Variants in DYDC2 observed in about 807,000 individuals in gnomAD.
DYDC2 encodes the protein DPY30 domain-containing protein 2.
In DYDC2, 19 loss-of-function variants were observed where a neutral mutation model predicts 18.7. The observed-to-expected ratio is 1.02, with a 90% confidence interval of 0.71 to 1.49. DYDC2 has a LOEUF of 1.49. Ranked by LOEUF, DYDC2 falls within the 40% of genes most tolerant of loss-of-function variation. The probability of loss-of-function intolerance (pLI) is 0.00; values close to 1 mark genes in which losing one functional copy is unlikely to be tolerated. For synonymous variants in DYDC2, 63 were observed against 67.6 expected (o/e 0.93, Z 0.34); for missense variants, 179 against 205.1 (o/e 0.87, Z 0.78).
upstream of DYDC2, among the ~76,000 whole-genome samples, chr10:80,355,359 A>G (rs1022867394): frequency 1.3e-5 from 2 of 151,938 alleles, no homozygotes; most frequent in Admixed American, 1.3e-4. Context: ...TGCCATAACT[A>G]TGTGCATATG....
At chr10:80,352,379 G>A (rs1843046546), upstream of DYDC2, 2 of 1,408,658 alleles carry the variant, frequency 1.4e-6, no homozygotes, top group Non-Finnish European at 1.9e-6. Context: ...AAATAATAAT[G>A]TTAAACTTTT....
At chr10:80,363,149 A>G in intron 4 of DYDC2, 76 bp downstream of exon 4, 1 of 1,509,034 alleles carries the variant, frequency 6.6e-7, no homozygotes, top group Non-Finnish European at 8.9e-7. Flanking sequence ...AAGTCAGCCC[A>G]GTCCCAATCC....
intron 1 of DYDC2, among the ~76,000 whole-genome samples, chr10:80,347,276 CTTTTTTTTTT>C (rs556362145): frequency 1.1e-5 from 1 of 90,112 alleles, no homozygotes; most frequent in Non-Finnish European, 2.1e-5. Context: ...AATTGGGATC[CTTTTTTTTTT>C]TTTTTTTTTT....
At chr10:80,351,706 T>C (rs1842988423) in intron 1 of DYDC2, among the ~76,000 whole-genome samples, 1 of 152,190 alleles carries the variant, frequency 6.6e-6, no homozygotes, top group African/African-American at 2.4e-5. Flanking sequence ...TATATGTGTA[T>C]ACAAGAATGC....
At chr10:80,356,349 T>C, upstream of DYDC2, 1 of 985,816 alleles carries the variant, frequency 1.0e-6, no homozygotes, top group Non-Finnish European at 1.2e-6. Context: ...AGGAGATTCC[T>C]TACCCACACC....
upstream of DYDC2, chr10:80,352,660 A>G (rs1490353272): frequency 6.5e-7 from 1 of 1,548,724 alleles, no homozygotes; most frequent in African/African-American, 1.4e-5. Flanking sequence ...CAATAAAGTC[A>G]CTATAAAACT....
intron 2 of DYDC2, among the ~76,000 whole-genome samples, chr10:80,358,502 A>C (rs911954770): frequency 2.0e-5 from 3 of 152,184 alleles, no homozygotes; most frequent in Admixed American, 1.3e-4. Context: ...CATTTCCTTC[A>C]GATCATTGTT....
upstream of DYDC2, chr10:80,351,983 T>C (rs1238514152): frequency 1.9e-6 from 3 of 1,614,138 alleles, no homozygotes; most frequent in African/African-American, 2.7e-5. Context: ...ACGCTCCAGC[T>C]TGGCCATTTC....
intron 1 of DYDC2, among the ~76,000 whole-genome samples, chr10:80,347,305 T>TTTTTTTTTTTTTTTTTTTTTTTTTG (rs1360993618): frequency 1.9e-5 from 2 of 105,568 alleles, no homozygotes; most frequent in African/African-American, 7.6e-5. Context: ...TTTTTTTTTT[T>TTTTTTTTTTTTTTTTTTTTTTTTTG]GCTATTGAGT....
In DYDC2 at chr10:80,362,338, T is replaced by A. The variant is rs1843687585; in HGVS notation, c.-9-97T>A. The stretch of plus-strand genomic sequence containing the variant: ...AGGTGTGATCCAGAAGCATCTCATA[T>A]TTATCCTGAAATAAATCTGAATTGG... On this transcript the variant is annotated intron_variant, in intron 2 of 4. Transcript: ENST00000256039. 4 of 1,484,582 alleles carry A rather than the reference T, an allele frequency of 2.7e-6. No individual in the cohort carries two copies. The South Asian group carries it at 5.5e-5, about 20-fold the overall frequency. The allele number at this position is 1,484,582 out of a possible 1,614,324, so 92.0% of individuals were successfully genotyped here.
At chr10:80,366,339 G>C (rs577208220) in intron 4 of DYDC2, among the ~76,000 whole-genome samples, 1 of 152,044 alleles carries the variant, frequency 6.6e-6, no homozygotes, top group South Asian at 2.1e-4. Context: ...CCCATTCTGG[G>C]GCCTTTTTCT....
At chr10:80,359,235 C>G (rs1843582817) in intron 2 of DYDC2, among the ~76,000 whole-genome samples, 1 of 152,112 alleles carries the variant, frequency 6.6e-6, no homozygotes, top group African/African-American at 2.4e-5. Context: ...CACAAAAGTT[C>G]TCCAAGTCCC....
intron 2 of DYDC2, among the ~76,000 whole-genome samples, chr10:80,361,846 G>T (rs189531712): frequency 2.3e-3 from 347 of 152,224 alleles, no homozygotes; most frequent in African/African-American, 8.0e-3. Context: ...AATGTTCCAG[G>T]CTCGTTAGGC....
At position 80,362,808 on chromosome 10, in the gene DYDC2, C is replaced by T. The variant is rs1050859546; in HGVS notation, c.148-143C>T. On this transcript the variant is annotated intron_variant, in intron 3 of 4. Transcript: ENST00000256039. ...AGCTGTGGAGTTGAAGGGTTTGTAA[C>T]TACTAGCAGGCTAAAGCTAGTTACA... The T allele has an allele frequency of 1.6e-5, 20 of 1,276,604 alleles. No homozygotes were observed. In the Admixed American group the frequency reaches 2.8e-4, roughly 18 times the overall value. The allele number at this position is 1,276,604 out of a possible 1,614,324, so 79.1% of individuals were successfully genotyped here. A position where few individuals can be genotyped will look rare whatever the true frequency, so the allele number is the denominator to read the frequency against.
chr10:80,347,276 C>CTTTTTTTTTTTTTTTTT (rs556362145), intron 1 of DYDC2, among the ~76,000 whole-genome samples: 2 of 90,114 alleles, frequency 2.2e-5, no homozygotes, highest in African/African-American at 4.4e-5. Flanking sequence ...AATTGGGATC[C>CTTTTTTTTTTTTTTTTT]TTTTTTTTTT....
chr10:80,349,094 C>T (rs370256744), intron 1 of DYDC2, among the ~76,000 whole-genome samples: 4 of 152,064 alleles, frequency 2.6e-5, no homozygotes, highest in East Asian at 3.9e-4. Flanking sequence ...GGTTTCACCG[C>T]GTTCGCCAGG....
intron 2 of DYDC2, among the ~76,000 whole-genome samples, chr10:80,358,533 AGG>A (rs1843534584): frequency 6.6e-6 from 1 of 152,196 alleles, no homozygotes; most frequent in African/African-American, 2.4e-5. Context: ...AATTTAGAGT[AGG>A]GGGAGGTATG....
rs1843486908 is a variant in DYDC2 at position 80,357,923 on chromosome 10, A to G, written c.-132A>G. On this transcript the variant is annotated 5_prime_UTR_variant, in exon 2 of 5. It adds an upstream start codon to the 5' untranslated region. Transcript: ENST00000256039. Reference sequence around the variant, plus strand: ...CCAGTGTGCCAAGCGTGGGCGGTATACAGTAAACAAAGACAACCCCTATTC... The same window carrying G: ...CCAGTGTGCCAAGCGTGGGCGGTATGCAGTAAACAAAGACAACCCCTATTC... 1 of 985,266 alleles carries G rather than the reference A, an allele frequency of 1.0e-6. No individual in the cohort carries two copies. Among genetic ancestry groups the G allele is most frequent in the Non-Finnish European group, 1.2e-6 (1 of 829,762 alleles). 61.0% of individuals were successfully genotyped at this position (985,266 alleles called of 1,614,324 possible).
rs1842962827 is a variant in DYDC2, at chr10:80,351,380, C to T, written c.-309-4917C>T. 2.0e-5 allele frequency among the ~76,000 whole-genome samples: 3 copies of T among 152,176 alleles called. No homozygotes were observed. The South Asian group carries it at 6.2e-4, about 32-fold the overall frequency. On this transcript the variant is annotated intron_variant, in intron 1 of 4. Transcript: ENST00000372197. The stretch of plus-strand genomic sequence containing the variant: ...CTAATGTCACCCACTCACTCCTCCA[C>T]TACTGTGCTCTTAAATCAAAACAAA...
Sources: allele counts gnomAD v4.1 joint callset (sites outside exome capture counted in the v4.1 genomes callset), GRCh38; gene constraint gnomAD v4.1.1; transcripts MANE v1.5; gene names NCBI Gene and HGNC (gene_info 2026-07-23, HGNC 2026-07-21).